Variants in POU6F2 observed in about 807,000 individuals in gnomAD.
POU6F2 encodes POU domain, class 6, transcription factor 2.
Under a neutral mutation model 71.3 loss-of-function variants are expected in POU6F2, and 31 were observed. The observed-to-expected ratio is 0.43, with a 90% CI of 0.33 to 0.59. POU6F2 has a LOEUF of 0.59. Among genes scored for constraint, POU6F2 ranks in the 20% least tolerant of loss-of-function variants. POU6F2 has a pLI of 0.04. For missense variants in POU6F2, 783 were observed against 856.8 expected (o/e 0.91, Z 1.07); for synonymous variants, 347 against 355.7 (o/e 0.98, Z 0.27).
At chr7:39,084,595 T>C (rs543855152) in intron 1 of POU6F2, among the ~76,000 whole-genome samples, 6 of 152,352 alleles carry the variant, frequency 3.9e-5, no homozygotes, top group African/African-American at 1.4e-4. Context: ...TTGTTTTCAA[T>C]GGTATGAGTA....
At chr7:39,076,006 C>T (rs1291298978) in intron 1 of POU6F2, among the ~76,000 whole-genome samples, 1 of 152,148 alleles carries the variant, frequency 6.6e-6, no homozygotes, top group African/African-American at 2.4e-5. Context: ...CTGGAAGCAG[C>T]ATATGGGTCA....
chr7:39,449,560 G>A (rs1788606839), intron 7 of POU6F2, among the ~76,000 whole-genome samples: 1 of 152,090 alleles, frequency 6.6e-6, no homozygotes, highest in Non-Finnish European at 1.5e-5. Flanking sequence ...AGTTAAACAT[G>A]CATTTATAGT....
chr7:39,095,443 A>G (rs994048088), intron 2 of POU6F2, among the ~76,000 whole-genome samples: 1 of 152,208 alleles, frequency 6.6e-6, no homozygotes, highest in African/African-American at 2.4e-5. Context: ...GCCTGCTTAC[A>G]AAAAAAGAGC....
intron 4 of POU6F2, among the ~76,000 whole-genome samples, chr7:39,296,814 G>C (rs6960580): frequency 0.23 from 34,516 of 152,116 alleles, 4,507 homozygotes; most frequent in African/African-American, 0.37. Flanking sequence ...ACCTGGTTTT[G>C]TTCACTATGG....
intron 2 of POU6F2, among the ~76,000 whole-genome samples, chr7:39,092,678 C>A (rs1047696473): frequency 2.0e-5 from 3 of 152,084 alleles, no homozygotes; most frequent in African/African-American, 7.2e-5. Flanking sequence ...GATTCTTAAT[C>A]TTTTCAATGT....
At chr7:39,388,897 C>T (rs1235728160) in intron 5 of POU6F2, among the ~76,000 whole-genome samples, 1 of 152,084 alleles carries the variant, frequency 6.6e-6, no homozygotes, top group East Asian at 1.9e-4. Context: ...GAAAGAAACA[C>T]ATTAAAAATG....
chr7:38,985,020 G>C (rs943730869), intron 1 of POU6F2: 1 of 152,040 alleles, frequency 6.6e-6, no homozygotes, highest in African/African-American at 2.4e-5. Flanking sequence ...TTTGTTGAGA[G>C]TAAAAGGTAA....
At chr7:39,183,471 C>T (rs898923134) in intron 2 of POU6F2, among the ~76,000 whole-genome samples, 3 of 152,100 alleles carry the variant, frequency 2.0e-5, no homozygotes, top group Non-Finnish European at 4.4e-5. Flanking sequence ...GGAGGTGCTA[C>T]ACACTTTTAT....
At chr7:39,082,887 A>C (rs927452053) in intron 1 of POU6F2, among the ~76,000 whole-genome samples, 6 of 151,808 alleles carry the variant, frequency 4.0e-5, no homozygotes, top group Admixed American at 2.0e-4. Flanking sequence ...AGTGTTTTGT[A>C]AGACAAAAAA....
intron 1 of POU6F2, among the ~76,000 whole-genome samples, chr7:39,023,024 C>G: frequency 6.6e-6 from 1 of 152,000 alleles, no homozygotes; most frequent in Middle Eastern, 3.2e-3. Context: ...GTCTTTTTAC[C>G]TTTAATCATT....
At chr7:39,423,602 G>A (rs1042973110) in intron 6 of POU6F2, among the ~76,000 whole-genome samples, 3 of 152,152 alleles carry the variant, frequency 2.0e-5, no homozygotes, top group Non-Finnish European at 4.4e-5. Context: ...TGCTGCCACT[G>A]TCTATACTGG....
At chr7:39,416,093 TACACACACACACACACACAC>T (rs57579748) in intron 6 of POU6F2, among the ~76,000 whole-genome samples, 33 of 139,204 alleles carry the variant, frequency 2.4e-4, no homozygotes, top group Non-Finnish European at 2.8e-4. Context: ...CTCGAAGGCA[TACACACACACACACACACAC>T]ACACACACAC....
At chr7:39,140,396 A>T (rs183475263) in intron 2 of POU6F2, among the ~76,000 whole-genome samples, 2 of 152,304 alleles carry the variant, frequency 1.3e-5, no homozygotes, top group Admixed American at 1.3e-4. Context: ...CTCAAACTGG[A>T]TGGTTGAAAA....
At chr7:39,309,524 G>A (rs1295286316) in intron 4 of POU6F2, among the ~76,000 whole-genome samples, 2 of 151,578 alleles carry the variant, frequency 1.3e-5, no homozygotes, top group African/African-American at 4.9e-5. Context: ...ACATGGTTAA[G>A]AAGGAGATTG....
chr7:39,107,048 T>C (rs201450487), intron 2 of POU6F2, among the ~76,000 whole-genome samples: 1 of 150,168 alleles, frequency 6.7e-6, no homozygotes, highest in Admixed American at 6.6e-5. Context: ...TCTTTTTTTT[T>C]TTTTTTCTTT....
intron 4 of POU6F2, among the ~76,000 whole-genome samples, chr7:39,271,457 C>T (rs998444960): frequency 7.8e-6 from 1 of 128,610 alleles, no homozygotes; most frequent in Non-Finnish European, 1.6e-5. Context: ...TTTTGTTTTA[C>T]AAAGGAAACC....
chr7:39,201,493 T>C (rs1257104526), intron 2 of POU6F2, among the ~76,000 whole-genome samples: 1 of 152,186 alleles, frequency 6.6e-6, no homozygotes, highest in East Asian at 1.9e-4. Context: ...CCTATTTCTA[T>C]TGAAAAAGAA....
intron 4 of POU6F2, among the ~76,000 whole-genome samples, chr7:39,248,398 A>T (rs573641188): frequency 6.6e-6 from 1 of 152,328 alleles, no homozygotes; most frequent in East Asian, 1.9e-4. Context: ...AAGGAAGGCC[A>T]GAGAATCATC....
At chr7:39,086,133 C>T in intron 2 of POU6F2, 102 bp downstream of exon 2, 1 of 1,159,600 alleles carries the variant, frequency 8.6e-7, no homozygotes. Context: ...ATTCAGTTTT[C>T]CCGTAAGTAC....
Sources: allele counts gnomAD v4.1 joint callset (sites outside exome capture counted in the v4.1 genomes callset), GRCh38; gene constraint gnomAD v4.1.1; transcripts MANE v1.5; gene names NCBI Gene and HGNC (gene_info 2026-07-23, HGNC 2026-07-21).